Variants in LRRC37A2 observed in about 807,000 individuals in gnomAD.
LRRC37A2 encodes leucine-rich repeat-containing protein 37A2.
A neutral mutation model predicts 68.8 loss-of-function variants in LRRC37A2; 9 were observed. The ratio of observed to expected loss-of-function variants is 0.13; its 90% CI spans 0.08 to 0.23. The LOEUF (loss-of-function observed/expected upper bound fraction) is 0.23. LRRC37A2 is among the 10% of genes least tolerant of loss of function. LRRC37A2 has a pLI of 1.00. For missense variants in LRRC37A2, 168 were observed against 950.4 expected, an observed-to-expected ratio of 0.18 and a Z score of 10.82; for synonymous variants, 63 against 367.6, an observed-to-expected ratio of 0.17 and a Z score of 9.48.
the LRRC37A2 span, chr17:46,768,262 A>AT: frequency 1.2e-6 from 2 of 1,610,024 alleles, no homozygotes; most frequent in Admixed American, 1.7e-5. This position sits in a 1 kb window ranked among gnomAD's most constrained non-coding sequence, Gnocchi z 5.0. Context: ...AAACAACCCC[A>AT]TTCCCTGCGC....
chr17:46,694,908 G>A, the LRRC37A2 span, among the ~76,000 whole-genome samples: 1 of 126,608 alleles, frequency 7.9e-6, no homozygotes, highest in South Asian at 2.9e-4. Context: ...GACACGTAAA[G>A]TGAAAATTTT....
the LRRC37A2 span, among the ~76,000 whole-genome samples, chr17:46,386,201 C>T: frequency 6.1e-5 from 7 of 114,874 alleles, no homozygotes; most frequent in East Asian, 1.4e-3. Context: ...TGGGCTCAAG[C>T]GATCCTCCCA....
At chr17:47,000,071 AAATAAAAAATAAAATAAAATAAAAT>A in the LRRC37A2 span, among the ~76,000 whole-genome samples, 110 of 67,298 alleles carry the variant, frequency 1.6e-3, 8 homozygotes, top group Middle Eastern at 5.6e-3. Flanking sequence ...AATTAAAATA[AAATAAAAAATAAAATAAAATAAAAT>A]AAAATAAAAT....
the LRRC37A2 span, among the ~76,000 whole-genome samples, chr17:46,737,577 G>A: frequency 3.0e-5 from 2 of 66,044 alleles, no homozygotes; most frequent in Non-Finnish European, 1.2e-4. Flanking sequence ...GTGTGCGTGT[G>A]TGTGTGTGTG....
the LRRC37A2 span, among the ~76,000 whole-genome samples, chr17:47,014,634 A>T: frequency 6.6e-6 from 1 of 151,502 alleles, no homozygotes; most frequent in Admixed American, 6.6e-5. Context: ...TTGTATTACT[A>T]CAGTTGTGGA....
At chr17:46,735,593 C>T in the LRRC37A2 span, among the ~76,000 whole-genome samples, 5 of 152,118 alleles carry the variant, frequency 3.3e-5, no homozygotes, top group Middle Eastern at 3.4e-3. Context: ...CATGTGTTAC[C>T]TACTCTGTTG....
At chr17:46,904,484 GGATGGA>G in the LRRC37A2 span, among the ~76,000 whole-genome samples, 3 of 150,602 alleles carry the variant, frequency 2.0e-5, no homozygotes, top group African/African-American at 2.4e-5. Context: ...ATGGATGGAT[GGATGGA>G]TGGGTGGATG....
chr17:46,920,844 A>G, the LRRC37A2 span, among the ~76,000 whole-genome samples: 153 of 152,340 alleles, frequency 1.0e-3, 1 homozygote, highest in South Asian at 8.3e-4. Context: ...TAAAGTTCCA[A>G]GCCACAAAGC....
At chr17:46,908,819 C>T in the LRRC37A2 span, among the ~76,000 whole-genome samples, 1 of 152,130 alleles carries the variant, frequency 6.6e-6, no homozygotes. Context: ...TGGGACTGCC[C>T]TCATACCCCA....
At chr17:46,896,872 G>A in the LRRC37A2 span, among the ~76,000 whole-genome samples, 1 of 152,140 alleles carries the variant, frequency 6.6e-6, no homozygotes, top group Non-Finnish European at 1.5e-5. Flanking sequence ...GACCCTGAGG[G>A]CATCTAGGGC....
At chr17:47,013,325 G>A in the LRRC37A2 span, among the ~76,000 whole-genome samples, 2 of 152,174 alleles carry the variant, frequency 1.3e-5, no homozygotes, top group Admixed American at 1.3e-4. Context: ...AATTGTACAC[G>A]TTAATGGAAT....
At chr17:46,928,745 C>T in the LRRC37A2 span, among the ~76,000 whole-genome samples, 2 of 152,184 alleles carry the variant, frequency 1.3e-5, no homozygotes, top group Non-Finnish European at 2.9e-5. Context: ...TCTCCCCCAA[C>T]CCGATTCCCT....
At chr17:46,568,516 G>C in the LRRC37A2 span, among the ~76,000 whole-genome samples, 3 of 114,776 alleles carry the variant, frequency 2.6e-5, no homozygotes, top group South Asian at 2.6e-4. Context: ...AAAAAAAGAG[G>C]GGGGGAGGCC....
At chr17:46,797,669 C>T in the LRRC37A2 span, among the ~76,000 whole-genome samples, 1 of 152,196 alleles carries the variant, frequency 6.6e-6, no homozygotes, top group African/African-American at 2.4e-5. Context: ...AACACCTTTC[C>T]CTGCTGTGCA....
the LRRC37A2 span, among the ~76,000 whole-genome samples, chr17:46,992,853 CAAAAAAAAAA>C: frequency 1.7e-4 from 11 of 65,166 alleles, no homozygotes; most frequent in Non-Finnish European, 2.6e-4. Context: ...AACTCCATCT[CAAAAAAAAAA>C]AAAAAAAAAA....
At chr17:46,862,163 C>CAAAAAAAAAAAAAAAAA in the LRRC37A2 span, among the ~76,000 whole-genome samples, 2 of 80,330 alleles carry the variant, frequency 2.5e-5, no homozygotes, top group Non-Finnish European at 6.3e-5. Flanking sequence ...AACTCCGTCT[C>CAAAAAAAAAAAAAAAAA]AAAAAAAAAA....
the LRRC37A2 span, among the ~76,000 whole-genome samples, chr17:46,874,699 T>G: frequency 6.6e-6 from 1 of 152,138 alleles, no homozygotes; most frequent in Non-Finnish European, 1.5e-5. Flanking sequence ...TGCCTCAGCC[T>G]CCTGAGTAGC....
At chr17:46,815,620 C>G in the LRRC37A2 span, among the ~76,000 whole-genome samples, 6 of 151,988 alleles carry the variant, frequency 3.9e-5, no homozygotes, top group Non-Finnish European at 7.4e-5. Flanking sequence ...CAGCCCCAGC[C>G]CTAACCCTGA....
At chr17:46,551,316 C>G (rs936982337) in intron 11 of LRRC37A2, among the ~76,000 whole-genome samples, 4 of 150,376 alleles carry the variant, frequency 2.7e-5, no homozygotes, top group Admixed American at 2.0e-4. Context: ...TCCCAACAGG[C>G]CAGTGCTAGC....
Sources: allele counts gnomAD v4.1 joint callset (sites outside exome capture counted in the v4.1 genomes callset), GRCh38; gene constraint gnomAD v4.1.1; non-coding constraint Gnocchi (gnomAD v3.1); transcripts MANE v1.5; gene names NCBI Gene and HGNC (gene_info 2026-07-23, HGNC 2026-07-21).